KRT15: variants seen among roughly 807,000 people sequenced by gnomAD.
The protein encoded by KRT15 is keratin 15.
Under a neutral mutation model 46.6 loss-of-function variants are expected in KRT15, and 45 were observed. The ratio of observed to expected loss-of-function variants is 0.97; its 90% CI spans 0.76 to 1.24. The LOEUF (loss-of-function observed/expected upper bound fraction) is 1.24. KRT15 is among the 50% of genes most tolerant of loss of function. KRT15 has a pLI of 0.00. For missense variants in KRT15, 592 were observed against 588.9 expected, an observed-to-expected ratio of 1.01 and a Z score of -0.05; for synonymous variants, 221 against 233.8, an observed-to-expected ratio of 0.95 and a Z score of 0.50.
At position 41,518,778 on chromosome 17, in the gene KRT15, G is replaced by C; in HGVS notation, c.50C>G (p.Ser17Ter). Reference protein sequence around the residue: ...QTSSSTFGGGSTRGGSLLAGG... With the variant: ...QTSSSTFGGG ...AGCCAGGAGGGAACCCCCTCGGGTT[G>C]AGCCACCCCCAAAGGTGGAGGAAGA... Residue 17 changes from serine to a stop codon, truncating the protein, a stop_gained, in exon 1 of 8, where the codon TCA becomes TGA. Coordinates refer to ENST00000254043, the MANE Select transcript of KRT15 (RefSeq NM_002275.4). LOFTEE classifies it high-confidence loss of function. The C allele has an allele frequency of 6.4e-7, 1 of 1,567,500 alleles. No individual in the cohort carries two copies. The highest frequency in any genetic ancestry group is 8.6e-7 in the Non-Finnish European group (1 of 1,161,360).
rs769150046 is a variant in KRT15 at position 41,517,205 on chromosome 17, C to T, written c.499-40G>A. Reference sequence around the variant, plus strand: ...GTCGGTGTCTAGAGGACTCCTCTCTCTCCCCTGCTGCTCTCTGCTCTGCAC... The same window carrying T: ...GTCGGTGTCTAGAGGACTCCTCTCTTTCCCCTGCTGCTCTCTGCTCTGCAC... On this transcript the variant is annotated intron_variant, in intron 1 of 7. Transcript: ENST00000254043. 15 of 1,546,662 alleles carry T rather than the reference C, an allele frequency of 9.7e-6. No individual in the cohort carries two copies. The African/African-American group carries it at 1.5e-4, about 15-fold the overall frequency.
chr17:41,516,658 GC>G, intron 3 of KRT15, 149 bp downstream of exon 3: 1 of 861,448 alleles, frequency 1.2e-6, no homozygotes, highest in South Asian at 1.7e-5. Context: ...AGTACCAACA[GC>G]CCCACTCTGC....
Position 41,514,002 on chromosome 17 carries a change from C to T in KRT15, c.*21G>A, listed in dbSNP as rs753869748. On this transcript the variant is annotated 3_prime_UTR_variant, in exon 8 of 8. Coordinates refer to ENST00000254043, the MANE Select transcript of KRT15 (RefSeq NM_002275.4). ...GATGAGAGTGGGGAGTGGCAAGGGA[C>T]GTTTCTCCTGCAATAGACACTTAGA... 3.8e-5 allele frequency: 60 copies of T among 1,568,196 alleles called. No homozygotes were observed. The highest frequency in any genetic ancestry group is 3.4e-4 in the Middle Eastern group (2 of 5,962).
chr17:41,514,233 C>T, intron 7 of KRT15, 113 bp from the exon 8 acceptor site: 5 of 781,754 alleles, frequency 6.4e-6, no homozygotes, highest in Non-Finnish European at 9.0e-6. Context: ...AGAATGGCCA[C>T]TGGCCAATCC....
rs774645036 is a variant in KRT15, at chr17:41,515,697, G to A, written c.1027-5C>T. The A allele has an allele frequency of 2.5e-6, 4 of 1,613,302 alleles. No homozygotes were observed. The Admixed American group carries it at 6.7e-5, about 27-fold the overall frequency. On this transcript the variant is annotated splice_polypyrimidine_tract_variant and splice_region_variant and intron_variant, in intron 5 of 7. Coordinates refer to ENST00000254043, the MANE Select transcript of KRT15 (RefSeq NM_002275.4). ...TGAGTTCTCCAGCCCAGCTTTCTGG[G>A]GGAGTGACAGATGCATAGACACATC...
At position 41,516,167 on chromosome 17, in the gene KRT15, C is replaced by T. The variant is rs761816772; in HGVS notation, c.837G>A (p.Arg279=). The change falls in exon 4 of 8, where the codon AGG becomes AGA. Residue 279 remains arginine, a synonymous_variant. Coordinates refer to ENST00000254043, the MANE Select transcript of KRT15 (RefSeq NM_002275.4). The stretch of plus-strand genomic sequence containing the variant: ...TCTCCGCCATGGCCTCGTACTGCTC[C>T]CTCATCTCTGCCAGCACACGGGTCA... The part of the protein sequence containing the change: ...VDLTRVLAEM[R]EQYEAMAEKN... The T allele has an allele frequency of 1.2e-6, 2 of 1,614,180 alleles. No individual in the cohort carries two copies. Among genetic ancestry groups the T allele is most frequent in the Non-Finnish European group, 1.7e-6 (2 of 1,180,038 alleles).
Position 41,515,953 on chromosome 17 carries a change from T to C in KRT15, c.958A>G (p.Thr320Ala). The change falls in exon 5 of 8, where the codon ACG (threonine) becomes GCG (alanine). Residue 320 changes from threonine (T) to alanine (A), a missense_variant. Transcript: ENST00000254043. ...GTGCGTCTCAGGTCTGTGATCTCCG[T>C]CTTGCTGGTCTGGATCATTTCTGTG... The part of the protein sequence containing the change: ...SNTEMIQTSK[T>A]EITDLRRTMQ... 1 of 1,614,140 alleles carries C rather than the reference T, an allele frequency of 6.2e-7. No homozygotes were observed. Among genetic ancestry groups the C allele is most frequent in the Non-Finnish European group, 8.5e-7 (1 of 1,180,014 alleles).
chr17:41,518,590 C>G lies in KRT15; in HGVS notation c.238G>C (p.Gly80Arg), dbSNP rs1905520945. ...CCCCCACCAACGCCCCCTCCAAAGC[C>G]TCCACCGAAAACACTACCAGCCCCT... ...GGGAGSVFGGGFGGGVGGGFG... is the reference protein window; with the variant it reads ...GGGAGSVFGGRFGGGVGGGFG... Residue 80 changes from glycine (G) to arginine (R), a missense_variant, in exon 1 of 8, where the codon GGC becomes CGC. By Grantham distance (125) the Gly-to-Arg change is moderately radical. Transcript: ENST00000254043. 6 of 1,613,704 alleles carry G rather than the reference C, an allele frequency of 3.7e-6. No individual in the cohort carries two copies. The highest frequency in any genetic ancestry group is 5.1e-6 in the Non-Finnish European group (6 of 1,179,910).
At chr17:41,517,292 A>G in intron 1 of KRT15, 127 bp from the exon 2 acceptor site, 5 of 767,168 alleles carry the variant, frequency 6.5e-6, no homozygotes, top group East Asian at 2.6e-5. Flanking sequence ...GACACCACCA[A>G]CAAAAATCTG....
At position 41,518,773 on chromosome 17, in the gene KRT15, G is replaced by A. The variant is rs774667062; in HGVS notation, c.55C>T (p.Arg19Ter). ...CCCCCAGCCAGGAGGGAACCCCCTCGGGTTGAGCCACCCCCAAAGGTGGAG... is the reference window on the plus strand; with the variant it reads ...CCCCCAGCCAGGAGGGAACCCCCTCAGGTTGAGCCACCCCCAAAGGTGGAG... Reference protein sequence around the residue: ...SSSTFGGGSTRGGSLLAGGGG... With the variant: ...SSSTFGGGST The change falls in exon 1 of 8, where the codon CGA becomes TGA. Residue 19 changes from arginine (R) to a stop codon, truncating the protein, a stop_gained. Transcript: ENST00000254043. LOFTEE classifies it high-confidence loss of function. 18 of 1,553,084 alleles carry A rather than the reference G, an allele frequency of 1.2e-5. 1 individual carries two copies. Among genetic ancestry groups the A allele is most frequent in the South Asian group, 8.5e-5 (7 of 82,712 alleles).
At chr17:41,515,396 C>A in intron 6 of KRT15, 76 bp downstream of exon 6, 2 of 1,283,514 alleles carry the variant, frequency 1.6e-6, no homozygotes, top group Non-Finnish European at 2.2e-6. Flanking sequence ...GGACACCCTG[C>A]CATTCCCTTA....
At chr17:41,514,809 G>T (rs1439696142) in intron 6 of KRT15, 135 bp from the exon 7 acceptor site, 7 of 794,812 alleles carry the variant, frequency 8.8e-6, no homozygotes, top group Admixed American at 2.3e-5. Flanking sequence ...TCCTCTAGGG[G>T]TGGGACATCC....
Position 41,518,394 on chromosome 17 carries a change from G to T in KRT15, c.434C>A (p.Thr145Asn), listed in dbSNP as rs748757866. 1 of 1,614,066 alleles carries T rather than the reference G, an allele frequency of 6.2e-7. No individual in the cohort carries two copies. The highest frequency in any genetic ancestry group is 1.1e-5 in the South Asian group (1 of 91,076). ...VKIHDWYQKQTPTSPECDYSQ... is the reference protein window; with the variant it reads ...VKIHDWYQKQNPTSPECDYSQ... ...GTAGTCGCATTCTGGGCTGGTTGGG[G>T]TCTGCTTCTGGTACCAGTCATGGAT... is the stretch of plus-strand genomic sequence containing the variant. Residue 145 changes from threonine to asparagine, a missense_variant, in exon 1 of 8, where the codon ACC becomes AAC. Thr to Asn is a moderately conservative substitution (Grantham distance 65). Transcript: ENST00000254043.
At position 41,515,708 on chromosome 17, in the gene KRT15, A is replaced by T. The variant is rs1489604629; in HGVS notation, c.1027-16T>A. On this transcript the variant is annotated splice_polypyrimidine_tract_variant and intron_variant, in intron 5 of 7. Transcript: ENST00000254043. ...GCCCAGCTTTCTGGGGGAGTGACAG[A>T]TGCATAGACACATCAGGCTAGAAAG... The T allele has an allele frequency of 6.2e-7, 1 of 1,610,772 alleles. No individual in the cohort carries two copies. The highest frequency in any genetic ancestry group is 1.1e-5 in the South Asian group (1 of 91,036).
intron 1 of KRT15, chr17:41,517,599 C>A: frequency 5.1e-6 from 1 of 197,950 alleles, no homozygotes; most frequent in Non-Finnish European, 1.1e-5. Flanking sequence ...AACATTCCAG[C>A]CAGTAGCAAC....
intron 3 of KRT15, among the ~76,000 whole-genome samples, chr17:41,516,572 T>C (rs537879794): frequency 2.0e-5 from 3 of 152,294 alleles, no homozygotes; most frequent in Admixed American, 2.0e-4. Context: ...CACTGCCCCT[T>C]CCTCTCCATG....
Position 41,516,064 on chromosome 17 carries a change from G to A in KRT15, c.900+40C>T, listed in dbSNP as rs532914681. ...CCCGGGGCCTCCTCGGAGACTCAGG[G>A]ACCTGGGGCAGGAAGGGCAGGGCAG... is the stretch of plus-strand genomic sequence containing the variant. On this transcript the variant is annotated intron_variant, in intron 4 of 7. Transcript: ENST00000254043. The A allele has an allele frequency of 2.5e-4, 401 of 1,614,176 alleles. 6 individuals are homozygous for A. The South Asian group carries it at 3.2e-3, about 13-fold the overall frequency.
intron 6 of KRT15, chr17:41,514,941 A>C: frequency 2.6e-6 from 1 of 379,072 alleles, no homozygotes. Context: ...ATCTCAGCCC[A>C]CTGAAACCTC....
At chr17:41,518,050 G>A (rs1905474707) in intron 1 of KRT15, among the ~76,000 whole-genome samples, 1 of 152,068 alleles carries the variant, frequency 6.6e-6, no homozygotes, top group Non-Finnish European at 1.5e-5. Context: ...GTGAGCTACT[G>A]CCTCTGGCTC....
Sources: gnomAD v4.1 joint callset for allele counts (sites outside exome capture counted in the v4.1 genomes callset) on GRCh38, gnomAD v4.1.1 for gene constraint, MANE v1.5 for transcripts, NCBI Gene and HGNC (gene_info 2026-07-23, HGNC 2026-07-21) for gene names.